Variants in PIEZO2 observed in about 807,000 individuals in gnomAD.
PIEZO2 encodes piezo type mechanosensitive ion channel component 2, also known as piezo-type mechanosensitive ion channel component 2.
PIEZO2 carries 172 observed loss-of-function variants against 337.3 expected under a neutral mutation model. That is an observed-to-expected ratio of 0.51 (90% CI 0.45 to 0.58). The LOEUF (loss-of-function observed/expected upper bound fraction) is 0.58. PIEZO2 is among the 20% of genes least tolerant of loss of function. PIEZO2 has a pLI of 0.00. For synonymous variants in PIEZO2, 1,251 were observed against 1,228.5 expected (o/e 1.02, Z -0.38); for missense variants, 3,028 against 3,391.3 (o/e 0.89, Z 2.66).
In PIEZO2 at chr18:11,097,044, A is replaced by T. The variant is rs2039280995; in HGVS notation, c.65-30822T>A. 6.6e-6 allele frequency among the ~76,000 whole-genome samples: 1 copy of T among 152,196 alleles called. No individual in the cohort carries two copies. Among genetic ancestry groups the T allele is most frequent in the Non-Finnish European group, 1.5e-5 (1 of 68,042 alleles). On this transcript the variant is annotated intron_variant, in intron 1 of 55. Coordinates refer to ENST00000674853, the MANE Select transcript of PIEZO2 (RefSeq NM_001378183.1). The surrounding 1 kb of genome is among the most constrained non-coding windows in gnomAD (Gnocchi z 5.0). The stretch of plus-strand genomic sequence containing the variant: ...GTCAGATAAAAATAGCTAATGAGTT[A>T]AGTCTGTCTCCAGTGTAGGACGATC...
Position 11,002,558 on chromosome 18 carries a change from A to G in PIEZO2, c.161-22898T>C, listed in dbSNP as rs2035581619. Among the ~76,000 whole-genome samples the G allele has an allele frequency of 6.6e-6, 1 of 151,880 alleles. No homozygotes were observed. Among genetic ancestry groups the G allele is most frequent in the African/African-American group, 2.4e-5 (1 of 41,126 alleles). On this transcript the variant is annotated intron_variant, in intron 2 of 55. Transcript: ENST00000674853. This position sits in a 1 kb window ranked among gnomAD's most constrained non-coding sequence, Gnocchi z 4.3. Reference sequence around the variant, plus strand: ...GCTCCCTGGAGAAGACCCCACACACACTTTCACTTTCTCTAATTTCACCAT... The same window carrying G: ...GCTCCCTGGAGAAGACCCCACACACGCTTTCACTTTCTCTAATTTCACCAT...
At chr18:10,793,275 C>T (rs9303717) in intron 13 of PIEZO2, among the ~76,000 whole-genome samples, 119,741 of 151,814 alleles carry the variant, frequency 0.79, 47,256 homozygotes, top group East Asian at 0.93. Context: ...AAAAAATGTG[C>T]TTTACAAATG....
chr18:10,677,493 C>T lies in PIEZO2; in HGVS notation c.8081+254G>A, dbSNP rs574435979. The T allele has an allele frequency of 1.7e-5, 6 of 360,132 alleles. No individual in the cohort carries two copies. Among genetic ancestry groups the T allele is most frequent in the Non-Finnish European group, 3.0e-5 (6 of 199,136 alleles). 22.3% of individuals were successfully genotyped at this position (360,132 alleles called of 1,614,324 possible). ...TCAGCCTCCCAACATGCTGGGATTACAGGCATGAGCCACCATGCCTGGCCC... is the reference window on the plus strand; with the variant it reads ...TCAGCCTCCCAACATGCTGGGATTATAGGCATGAGCCACCATGCCTGGCCC... On this transcript the variant is annotated intron_variant, in intron 53 of 55. Coordinates refer to ENST00000674853, the MANE Select transcript of PIEZO2 (RefSeq NM_001378183.1). The surrounding 1 kb of genome is among the most constrained non-coding windows in gnomAD (Gnocchi z 4.1).
intron 2 of PIEZO2, among the ~76,000 whole-genome samples, chr18:11,014,579 G>A: frequency 6.8e-6 from 1 of 147,516 alleles, no homozygotes; most frequent in African/African-American, 2.5e-5. Flanking sequence ...TGTCACCCTG[G>A]GTGGGAGAGC....
chr18:11,009,330 C>T lies in PIEZO2; in HGVS notation c.161-29670G>A, dbSNP rs1353643078. 6.6e-6 allele frequency among the ~76,000 whole-genome samples: 1 copy of T among 152,198 alleles called. No individual in the cohort carries two copies. The highest frequency in any genetic ancestry group is 1.5e-5 in the Non-Finnish European group (1 of 68,032). ...TTTAAGAATAGGATGGATGTCCAGA[C>T]TCCACCCCTGGAAGTTCTGACCTCA... On this transcript the variant is annotated intron_variant, in intron 2 of 55. Coordinates refer to ENST00000674853, the MANE Select transcript of PIEZO2 (RefSeq NM_001378183.1). The surrounding 1 kb of genome is among the most constrained non-coding windows in gnomAD (Gnocchi z 4.6).
intron 3 of PIEZO2, among the ~76,000 whole-genome samples, chr18:10,935,931 G>A (rs947396672): frequency 6.6e-6 from 1 of 152,176 alleles, no homozygotes; most frequent in Non-Finnish European, 1.5e-5. Flanking sequence ...TTTTTCTTAT[G>A]ACTTTTGAAG....
intron 3 of PIEZO2, among the ~76,000 whole-genome samples, chr18:10,939,027 A>G (rs970748516): frequency 1.3e-5 from 2 of 152,202 alleles, no homozygotes; most frequent in Non-Finnish European, 2.9e-5. Context: ...GGCAGAAGTT[A>G]CAGTGAGCCG....
At chr18:10,700,655 G>A (rs953564621) in intron 43 of PIEZO2, among the ~76,000 whole-genome samples, 1 of 152,098 alleles carries the variant, frequency 6.6e-6, no homozygotes, top group African/African-American at 2.4e-5. Context: ...AGAGAATTCT[G>A]AAGTGATCAA....
intron 30 of PIEZO2, among the ~76,000 whole-genome samples, chr18:10,745,717 C>T (rs555861865): frequency 3.3e-5 from 5 of 152,076 alleles, no homozygotes; most frequent in Non-Finnish European, 5.9e-5. Context: ...CCAAGGTTCT[C>T]TTCTCATTTC....
chr18:10,803,921 C>T lies in PIEZO2; in HGVS notation c.1154G>A (p.Arg385Lys), dbSNP rs144943561. ...CSPIQITAGR[R>K]RSLWYATHYP... ...ATGGGTTGCGTACCACAGGCTCCGCCTCCTCCCCGCTGTTATTTGGATGGG... is the reference window on the plus strand; with the variant it reads ...ATGGGTTGCGTACCACAGGCTCCGCTTCCTCCCCGCTGTTATTTGGATGGG... Residue 385 changes from arginine to lysine, a missense_variant, in exon 9 of 56, where the codon AGG becomes AAG. Around this residue, in one of 5 missense-constraint regions of PIEZO2, gnomAD observed 542 missense variants for 605.6 expected, o/e 0.89. Transcript: ENST00000674853. 2 of 1,537,330 alleles carry T rather than the reference C, an allele frequency of 1.3e-6. No homozygotes were observed. The highest frequency in any genetic ancestry group is 1.7e-6 in the Non-Finnish European group (2 of 1,146,934).
chr18:10,764,125 T>C (rs928763815), intron 21 of PIEZO2, among the ~76,000 whole-genome samples: 5 of 152,226 alleles, frequency 3.3e-5, no homozygotes, highest in Admixed American at 2.0e-4. Flanking sequence ...TTATAGTTAA[T>C]AGTCCATTGG....
chr18:10,920,183 A>T (rs1353844087), intron 3 of PIEZO2, among the ~76,000 whole-genome samples: 1 of 152,122 alleles, frequency 6.6e-6, no homozygotes, highest in Non-Finnish European at 1.5e-5. Context: ...TATCAATATC[A>T]TGATCACCCC....
intron 47 of PIEZO2, 117 bp from the exon 48 acceptor site, chr18:10,691,500 A>T: frequency 1.9e-6 from 2 of 1,055,884 alleles, no homozygotes; most frequent in East Asian, 2.6e-5. Context: ...TTCCAACTCA[A>T]TTCTAATGAA....
intron 1 of PIEZO2, among the ~76,000 whole-genome samples, chr18:11,095,365 A>G (rs9956571): frequency 0.34 from 52,312 of 152,002 alleles, 10,053 homozygotes; most frequent in African/African-American, 0.53. Flanking sequence ...CCATTGACTC[A>G]GTGTTTTGGA....
chr18:11,048,965 A>C lies in PIEZO2; in HGVS notation c.160+17162T>G, dbSNP rs193251971. Among the ~76,000 whole-genome samples, 1 of 152,344 alleles carries C rather than the reference A, an allele frequency of 6.6e-6. No individual in the cohort carries two copies. The highest frequency in any genetic ancestry group is 1.9e-4 in the East Asian group (1 of 5,190). On this transcript the variant is annotated intron_variant, in intron 2 of 55. Transcript: ENST00000674853. The surrounding 1 kb of genome is among the most constrained non-coding windows in gnomAD (Gnocchi z 4.5). The stretch of plus-strand genomic sequence containing the variant: ...GTTTAGGCAAAATAGCTACAGATGA[A>C]GTAAAGCTCAGATGCTCTAATAAAT...
rs1363213116 is a variant in PIEZO2, at chr18:10,837,987, G to T, written c.917+17366C>A. On this transcript the variant is annotated intron_variant, in intron 7 of 55. Transcript: ENST00000674853. The surrounding 1 kb of genome is among the most constrained non-coding windows in gnomAD (Gnocchi z 4.4). ...GGCTGGTCTCGAACTCCTGATCGCA[G>T]GTGATCTGTCCGCCTCGGCCTCCCA... 1.3e-5 allele frequency among the ~76,000 whole-genome samples: 2 copies of T among 152,170 alleles called. No homozygotes were observed. The highest frequency in any genetic ancestry group is 4.8e-5 in the African/African-American group (2 of 41,532).
chr18:10,698,723 G>C (rs1032747519), intron 44 of PIEZO2, among the ~76,000 whole-genome samples: 3 of 152,134 alleles, frequency 2.0e-5, no homozygotes, highest in African/African-American at 7.2e-5. Context: ...GATACAATAA[G>C]GTGTTTTGGG....
chr18:10,762,700 C>G (rs1249749858), intron 22 of PIEZO2, 75 bp from the exon 23 acceptor site: 5 of 1,482,160 alleles, frequency 3.4e-6, no homozygotes, highest in Admixed American at 4.3e-5. Flanking sequence ...TCTTCTTCAG[C>G]CTTGAGCAAA....
intron 10 of PIEZO2, 149 bp downstream of exon 10, chr18:10,801,241 C>A (rs2039802848): frequency 5.1e-6 from 3 of 585,590 alleles, no homozygotes; most frequent in South Asian, 5.8e-5. Context: ...CATTTAACAG[C>A]AATCTACCAG....
Sources: allele counts gnomAD v4.1 joint callset (sites outside exome capture counted in the v4.1 genomes callset), GRCh38; gene constraint gnomAD v4.1.1; regional missense constraint gnomAD v4.1.1; non-coding constraint Gnocchi (gnomAD v3.1); transcripts MANE v1.5; gene names NCBI Gene and HGNC (gene_info 2026-07-23, HGNC 2026-07-21).